NYAP2: variants seen among roughly 807,000 people sequenced by gnomAD.
NYAP2 encodes neuronal tyrosine-phosphorylated phosphoinositide-3-kinase adapter 2.
NYAP2 carries 23 observed loss-of-function variants against 50.4 expected under a neutral mutation model. That is an observed-to-expected ratio of 0.46 (90% CI 0.33 to 0.65). The LOEUF is 0.65. Ranked by LOEUF, NYAP2 falls within the 30% of genes least tolerant of loss-of-function variation. The pLI, the probability that NYAP2 is intolerant of heterozygous loss-of-function variation, is 0.02. For synonymous variants in NYAP2, 394 were observed against 365.2 expected (o/e 1.08, Z -0.90); for missense variants, 885 against 861.0 (o/e 1.03, Z -0.35).
intron 3 of NYAP2, among the ~76,000 whole-genome samples, chr2:225,420,466 A>G (rs1695196600): frequency 6.6e-6 from 1 of 152,204 alleles, no homozygotes; most frequent in African/African-American, 2.4e-5. Flanking sequence ...AGAGCAATGT[A>G]TATTCAACAT....
chr2:225,550,444 T>A (rs1241962599), intron 4 of NYAP2, among the ~76,000 whole-genome samples: 1 of 152,200 alleles, frequency 6.6e-6, no homozygotes, highest in African/African-American at 2.4e-5. Context: ...AAGGCATTGG[T>A]GATCAGGGAA....
chr2:225,440,177 T>C (rs573514527), intron 3 of NYAP2, among the ~76,000 whole-genome samples: 2 of 152,250 alleles, frequency 1.3e-5, no homozygotes, highest in African/African-American at 2.4e-5. Context: ...CAAACAGCCA[T>C]TTTTTTACAT....
intron 3 of NYAP2, among the ~76,000 whole-genome samples, chr2:225,412,366 T>C (rs1574601333): frequency 6.8e-6 from 1 of 146,286 alleles, no homozygotes; most frequent in Non-Finnish European, 1.5e-5. Context: ...AAGAGAAATA[T>C]TGATGACTTA....
At chr2:225,578,602 A>G (rs1692209717) in intron 4 of NYAP2, among the ~76,000 whole-genome samples, 1 of 152,196 alleles carries the variant, frequency 6.6e-6, no homozygotes, top group Non-Finnish European at 1.5e-5. Context: ...CTCTTGGCCC[A>G]TGTATGGGAT....
At chr2:225,526,940 A>G (rs1320671306) in intron 4 of NYAP2, among the ~76,000 whole-genome samples, 6 of 152,156 alleles carry the variant, frequency 3.9e-5, no homozygotes, top group Non-Finnish European at 8.8e-5. Context: ...CCATCTGTCA[A>G]ACCAGGCACT....
rs555914493 is a variant in NYAP2 at position 225,414,286 on chromosome 2, T to A, written c.221+5185T>A. Among the ~76,000 whole-genome samples the A allele has an allele frequency of 2.2e-3, 335 of 152,270 alleles. 1 individual carries two copies. Among genetic ancestry groups the A allele is most frequent in the Middle Eastern group, 6.8e-3 (2 of 294 alleles). On this transcript the variant is annotated intron_variant, in intron 3 of 6. Transcript: ENST00000636099. ...TAGTGTTTTTCTTAACAGCTTCAAA[T>A]AACATTTGGTGAGAAAGAGAGAAAA...
chr2:225,408,848 T>C lies in NYAP2; in HGVS notation c.-17-16T>C, dbSNP rs763143502. The C allele has an allele frequency of 3.5e-6, 5 of 1,444,378 alleles. No homozygotes were observed. The Admixed American group carries it at 8.8e-5, about 25-fold the overall frequency. 89.5% of individuals were successfully genotyped at this position (1,444,378 alleles called of 1,614,324 possible). On this transcript the variant is annotated splice_polypyrimidine_tract_variant and intron_variant, in intron 2 of 6. Transcript: ENST00000636099. ...CCCCACCCTGGATAAAAGTAAAATG[T>C]GTTCTCACCCTGCAGGCAGTGTTCC...
At chr2:225,461,710 T>A (rs991302109) in intron 3 of NYAP2, among the ~76,000 whole-genome samples, 9 of 152,216 alleles carry the variant, frequency 5.9e-5, no homozygotes, top group East Asian at 1.9e-4. Context: ...TTATTCTCCA[T>A]GGATTGGAGA....
intron 6 of NYAP2, among the ~76,000 whole-genome samples, chr2:225,642,970 A>C (rs950936370): frequency 6.6e-6 from 1 of 152,224 alleles, no homozygotes; most frequent in Non-Finnish European, 1.5e-5. Context: ...TAATTCTATC[A>C]ACATTGTTAC....
At chr2:225,557,383 C>A (rs1388755029) in intron 4 of NYAP2, among the ~76,000 whole-genome samples, 2 of 152,062 alleles carry the variant, frequency 1.3e-5, no homozygotes, top group African/African-American at 4.8e-5. Context: ...TTCAAAAGGT[C>A]TCCAATTTCA....
chr2:225,606,049 A>C (rs1299580861), intron 5 of NYAP2, among the ~76,000 whole-genome samples: 1 of 152,180 alleles, frequency 6.6e-6, no homozygotes, highest in African/African-American at 2.4e-5. Flanking sequence ...AAGAACAGGA[A>C]CATCTAATAT....
intron 4 of NYAP2, among the ~76,000 whole-genome samples, chr2:225,553,069 C>T (rs150591542): frequency 2.2e-4 from 33 of 152,300 alleles, no homozygotes; most frequent in African/African-American, 6.3e-4. Flanking sequence ...TCCCTGGCAG[C>T]GAAGGAAAGA....
At chr2:225,676,221 T>G in the NYAP2 span, among the ~76,000 whole-genome samples, 2 of 152,234 alleles carry the variant, frequency 1.3e-5, no homozygotes, top group East Asian at 3.9e-4. Context: ...ATAAATTCTT[T>G]CACAAAACCT....
At chr2:225,583,152 A>G in intron 5 of NYAP2, 117 bp downstream of exon 5, 2 of 1,222,210 alleles carry the variant, frequency 1.6e-6, no homozygotes, top group Non-Finnish European at 2.2e-6. Context: ...TTGGAGTTGA[A>G]ATCTTAGCAT....
intron 4 of NYAP2, among the ~76,000 whole-genome samples, chr2:225,566,699 A>T (rs189866239): frequency 6.6e-6 from 1 of 152,352 alleles, no homozygotes; most frequent in Admixed American, 6.5e-5. Flanking sequence ...GTGAACTTGT[A>T]AAGAAAACTT....
chr2:225,526,492 A>T lies in NYAP2; in HGVS notation c.523+12820A>T, dbSNP rs74799684. Among the ~76,000 whole-genome samples the T allele has an allele frequency of 6.3e-3, 954 of 152,330 alleles. 13 individuals carry two copies. Among genetic ancestry groups the T allele is most frequent in the African/African-American group, 0.022 (910 of 41,570 alleles). Reference sequence around the variant, plus strand: ...ATAGAGGTTCAGCAAATACTGACATATGTAGCCCTTTGAATAGCTGCTTAG... The same window carrying T: ...ATAGAGGTTCAGCAAATACTGACATTTGTAGCCCTTTGAATAGCTGCTTAG... On this transcript the variant is annotated intron_variant, in intron 4 of 6. Coordinates refer to ENST00000636099, the Ensembl canonical transcript of NYAP2.
chr2:225,519,258 A>AT (rs1194619700), intron 4 of NYAP2, among the ~76,000 whole-genome samples: 3 of 151,396 alleles, frequency 2.0e-5, no homozygotes, highest in Non-Finnish European at 4.4e-5. Flanking sequence ...TTATTTTTTT[A>AT]TTTTTTATTT....
chr2:225,445,878 T>G (rs867711322), intron 3 of NYAP2, among the ~76,000 whole-genome samples: 6 of 152,164 alleles, frequency 3.9e-5, no homozygotes, highest in African/African-American at 1.2e-4. Context: ...TTTTGAAAAA[T>G]TAGTTTATTT....
At chr2:225,513,128 T>G (rs74496456) in intron 3 of NYAP2, among the ~76,000 whole-genome samples, 3 of 152,104 alleles carry the variant, frequency 2.0e-5, no homozygotes, top group Non-Finnish European at 4.4e-5. Context: ...TTACCTAAAG[T>G]AAATATAAAG....
Sources: allele counts gnomAD v4.1 joint callset (sites outside exome capture counted in the v4.1 genomes callset), GRCh38; gene constraint gnomAD v4.1.1; transcripts MANE v1.5; gene names NCBI Gene and HGNC (gene_info 2026-07-23, HGNC 2026-07-21).